Variants in EXOC6B observed in about 807,000 individuals in gnomAD.
The protein encoded by EXOC6B is SEC15 homolog B.
Under a neutral mutation model 113.5 loss-of-function variants are expected in EXOC6B, and 54 were observed. The observed-to-expected ratio is 0.48, with a 90% CI of 0.38 to 0.60. The LOEUF (loss-of-function observed/expected upper bound fraction) is 0.60, where lower values mean the gene tolerates loss of function less well. Ranked by LOEUF, EXOC6B falls within the 20% of genes least tolerant of loss-of-function variation. EXOC6B has a pLI of 0.00. For synonymous variants in EXOC6B, 357 were observed against 339.0 expected (o/e 1.05, Z -0.58); for missense variants, 797 against 977.5 (o/e 0.82, Z 2.46).
At chr2:72,677,100 C>G (rs1401605307) in intron 6 of EXOC6B, among the ~76,000 whole-genome samples, 1 of 152,128 alleles carries the variant, frequency 6.6e-6, no homozygotes, top group Non-Finnish European at 1.5e-5. Context: ...GTCTTTTAGT[C>G]TATTTGCGTA....
intron 19 of EXOC6B, among the ~76,000 whole-genome samples, chr2:72,337,007 CA>C (rs56915816): frequency 0.015 from 1,313 of 90,278 alleles, 3 homozygotes; most frequent in South Asian, 0.036. Context: ...AACTCAGTCT[CA>C]AAAAAAAAAA....
intron 18 of EXOC6B, among the ~76,000 whole-genome samples, chr2:72,429,073 GCAAA>G (rs1490601827): frequency 2.6e-5 from 4 of 152,224 alleles, no homozygotes; most frequent in Admixed American, 2.6e-4. Flanking sequence ...TAAGGCACAA[GCAAA>G]CAAATTATCT....
chr2:72,466,727 G>A (rs1698080701), intron 17 of EXOC6B, among the ~76,000 whole-genome samples: 1 of 152,112 alleles, frequency 6.6e-6, no homozygotes, highest in African/African-American at 2.4e-5. Context: ...TGTATACACT[G>A]AAATGGCTAA....
intron 20 of EXOC6B, among the ~76,000 whole-genome samples, chr2:72,245,594 T>C (rs188534780): frequency 3.9e-4 from 60 of 152,272 alleles, no homozygotes; most frequent in African/African-American, 1.4e-3. Context: ...TCCAAATATA[T>C]GACATTCCTG....
intron 20 of EXOC6B, among the ~76,000 whole-genome samples, chr2:72,297,517 C>T (rs1558533006): frequency 6.6e-6 from 1 of 152,128 alleles, no homozygotes; most frequent in Non-Finnish European, 1.5e-5. Context: ...CAGTTCTGCT[C>T]TGATCTTAGT....
intron 18 of EXOC6B, among the ~76,000 whole-genome samples, chr2:72,451,882 A>G (rs543304872): frequency 6.6e-6 from 1 of 152,274 alleles, no homozygotes; most frequent in South Asian, 2.1e-4. Flanking sequence ...TTACTGAAGT[A>G]TATTAAAATT....
intron 8 of EXOC6B, among the ~76,000 whole-genome samples, chr2:72,536,305 T>A (rs1702285867): frequency 6.6e-6 from 1 of 152,212 alleles, no homozygotes; most frequent in South Asian, 2.1e-4. Flanking sequence ...GAGTTTGTTT[T>A]AATTTATATA....
intron 6 of EXOC6B, among the ~76,000 whole-genome samples, chr2:72,606,049 G>T (rs561356091): frequency 1.6e-3 from 248 of 152,138 alleles, no homozygotes; most frequent in Non-Finnish European, 2.2e-3. Flanking sequence ...CCCTCTACAG[G>T]CCATCAGTGG....
At chr2:72,790,006 A>G (rs1684587509) in intron 1 of EXOC6B, among the ~76,000 whole-genome samples, 1 of 152,122 alleles carries the variant, frequency 6.6e-6, no homozygotes, top group South Asian at 2.1e-4. Flanking sequence ...CAAGTCCTAT[A>G]CCAATTTACC....
intron 18 of EXOC6B, among the ~76,000 whole-genome samples, chr2:72,397,304 T>G (rs2105139092): frequency 6.6e-6 from 1 of 152,214 alleles, no homozygotes; most frequent in East Asian, 1.9e-4. Context: ...CTAATATCAT[T>G]TCTGGAATTC....
intron 6 of EXOC6B, among the ~76,000 whole-genome samples, chr2:72,586,671 G>A (rs1277008389): frequency 6.6e-6 from 1 of 152,052 alleles, no homozygotes; most frequent in East Asian, 1.9e-4. Flanking sequence ...AGAATGGCTT[G>A]AACCTGGGAG....
At chr2:72,370,876 G>C (rs183237793) in intron 19 of EXOC6B, among the ~76,000 whole-genome samples, 100 of 150,316 alleles carry the variant, frequency 6.7e-4, no homozygotes, top group East Asian at 3.2e-3. Flanking sequence ...GTGATGGGAG[G>C]GGGGAGGGAT....
chr2:72,693,794 C>A (rs1486775640), intron 6 of EXOC6B, among the ~76,000 whole-genome samples: 2 of 152,040 alleles, frequency 1.3e-5, no homozygotes, highest in Non-Finnish European at 2.9e-5. Context: ...GGTTTACTTC[C>A]CTATTTATCT....
At chr2:72,735,311 CACAAGTAT>C (rs1396182453) in intron 2 of EXOC6B, among the ~76,000 whole-genome samples, 1 of 152,088 alleles carries the variant, frequency 6.6e-6, no homozygotes, top group Non-Finnish European at 1.5e-5. Context: ...CAACTCAGTA[CACAAGTAT>C]AGGGAACACA....
At chr2:72,803,447 C>A (rs750452522) in intron 1 of EXOC6B, among the ~76,000 whole-genome samples, 16 of 152,118 alleles carry the variant, frequency 1.1e-4, no homozygotes, top group Admixed American at 7.9e-4. Flanking sequence ...TAAGCATTGT[C>A]ATCTCAACAT....
At chr2:72,451,803 G>A (rs1179658313) in intron 18 of EXOC6B, among the ~76,000 whole-genome samples, 1 of 152,042 alleles carries the variant, frequency 6.6e-6, no homozygotes. Flanking sequence ...AAGACAGGGA[G>A]GTCCCGGGGG....
chr2:72,755,315 T>C (rs1022171633), intron 1 of EXOC6B, among the ~76,000 whole-genome samples: 2 of 152,222 alleles, frequency 1.3e-5, no homozygotes, highest in Non-Finnish European at 2.9e-5. Context: ...TTGAAATGTT[T>C]ATTTGTTCAT....
chr2:72,789,643 C>T (rs945133848), intron 1 of EXOC6B, among the ~76,000 whole-genome samples: 1 of 152,114 alleles, frequency 6.6e-6, no homozygotes, highest in African/African-American at 2.4e-5. Context: ...ACCTTTCAGG[C>T]AGAATGTGAA....
intron 6 of EXOC6B, among the ~76,000 whole-genome samples, chr2:72,635,123 A>G (rs1672732245): frequency 6.6e-6 from 1 of 152,126 alleles, no homozygotes; most frequent in Non-Finnish European, 1.5e-5. Flanking sequence ...AAAAGTCTCA[A>G]ATCAATAATC....
Sources: allele counts gnomAD v4.1 joint callset (sites outside exome capture counted in the v4.1 genomes callset), GRCh38; gene constraint gnomAD v4.1.1; transcripts MANE v1.5; gene names NCBI Gene and HGNC (gene_info 2026-07-23, HGNC 2026-07-21).